Variants in AR observed in about 807,000 individuals in gnomAD.
AR encodes dihydrotestosterone receptor.
Under a neutral mutation model 53.9 loss-of-function variants are expected in AR, and 8 were observed. The observed-to-expected ratio is 0.15, with a 90% CI of 0.09 to 0.27. The LOEUF (loss-of-function observed/expected upper bound fraction) is 0.27, where lower values mean the gene tolerates loss of function less well. AR is among the 10% of genes least tolerant of loss of function. The pLI is 1.00. For missense variants in AR, 639 were observed against 742.5 expected (o/e 0.86, Z 1.62); for synonymous variants, 359 against 316.4 (o/e 1.13, Z -1.43).
intron 6 of AR, 100 bp from the exon 7 acceptor site, chrX:67,722,727 G>C: frequency 2.0e-6 from 2 of 1,016,612 alleles, no homozygotes; most frequent in Non-Finnish European, 2.7e-6. Flanking sequence ...GTTCCCTGTG[G>C]GGGTGGGGGT....
intron 2 of AR, among the ~76,000 whole-genome samples, chrX:67,684,252 G>A (rs1218266759): frequency 4.5e-5 from 5 of 111,841 alleles, no homozygotes; most frequent in Non-Finnish European, 9.4e-5. Context: ...TCGTAGCACC[G>A]TCCTTTCTGT....
chrX:67,688,642 A>G (rs953453095), intron 3 of AR, among the ~76,000 whole-genome samples: 9 of 111,703 alleles, frequency 8.1e-5, no homozygotes, highest in Non-Finnish European at 1.7e-4. Context: ...TTCAGAAGCT[A>G]ATTTTAGTAA....
intron 1 of AR, among the ~76,000 whole-genome samples, chrX:67,595,715 G>A (rs1204019772): frequency 6.4e-5 from 7 of 109,244 alleles, no homozygotes; most frequent in African/African-American, 2.3e-4. Flanking sequence ...TCAGAAGGCC[G>A]AGTTGGGAGG....
intron 1 of AR, among the ~76,000 whole-genome samples, chrX:67,556,734 A>G (rs1921070570): frequency 1.8e-5 from 2 of 111,479 alleles, no homozygotes; most frequent in Non-Finnish European, 3.8e-5. Flanking sequence ...GGCCAGGGAA[A>G]ACCTTACTGG....
intron 1 of AR, among the ~76,000 whole-genome samples, chrX:67,567,769 T>C (rs1053243897): frequency 8.9e-6 from 1 of 112,268 alleles, no homozygotes; most frequent in Non-Finnish European, 1.9e-5. Flanking sequence ...ATTCTAATTA[T>C]ATAGATGAAA....
intron 5 of AR, among the ~76,000 whole-genome samples, chrX:67,720,394 G>T (rs1314542492): frequency 9.2e-6 from 1 of 109,253 alleles, no homozygotes; most frequent in East Asian, 2.9e-4. Context: ...CTGCAGCAAT[G>T]TTAAAGGAAT....
In AR at chrX:67,728,614, T is replaced by TATATATATATATATAC. The variant is rs2076168263; in HGVS notation, c.*4774_*4775insTATATATATATATACA. The stretch of plus-strand genomic sequence containing the variant: ...ATATATATATATATATATATATATA[T>TATATATATATATATAC]AGTGTGTGTGTGTGTTCTGATAGCT... On this transcript the variant is annotated 3_prime_UTR_variant, in exon 8 of 8. Coordinates refer to ENST00000374690, the MANE Select transcript of AR (RefSeq NM_000044.6). The TATATATATATATATAC allele has an allele frequency of 1.0e-5, 1 of 97,843 alleles. No individual in the cohort carries two copies. The highest frequency in any genetic ancestry group is 2.1e-4 in the East Asian group (1 of 4,861). The allele number at this position is 97,843 out of a possible 1,213,427, so 8.1% of individuals were successfully genotyped here. A position where few individuals can be genotyped will look rare whatever the true frequency, so the allele number is the denominator to read the frequency against.
chrX:67,706,483 C>A (rs1306832700), intron 3 of AR, among the ~76,000 whole-genome samples: 2 of 111,446 alleles, frequency 1.8e-5, no homozygotes, highest in African/African-American at 6.5e-5. Flanking sequence ...TCTGTGGGAT[C>A]GGTGGTGATC....
intron 3 of AR, among the ~76,000 whole-genome samples, chrX:67,709,686 G>C (rs370301315): frequency 3.7e-4 from 41 of 112,106 alleles, no homozygotes; most frequent in Non-Finnish European, 7.3e-4. Context: ...AGATGAACCC[G>C]GTACCTCAGT....
chrX:67,562,155 G>T (rs1250032937), intron 1 of AR, among the ~76,000 whole-genome samples: 1 of 108,345 alleles, frequency 9.2e-6, no homozygotes, highest in Non-Finnish European at 1.9e-5. Context: ...TAGAGACGGA[G>T]ATTTCATCAT....
chrX:67,575,338 A>C (rs1157787347), intron 1 of AR, among the ~76,000 whole-genome samples: 1 of 111,808 alleles, frequency 8.9e-6, no homozygotes, highest in Non-Finnish European at 1.9e-5. Context: ...CCTGACAATT[A>C]TAGAGGTCAG....
chrX:67,730,315 C>T lies in AR; in HGVS notation c.*6474C>T, dbSNP rs1364878170. The stretch of plus-strand genomic sequence containing the variant: ...ACTGGGCAGCAGGACCAGCTCCAAG[C>T]GCTAGTGTTCTGTTCTCTTTTTGTA... On this transcript the variant is annotated 3_prime_UTR_variant, in exon 8 of 8. Transcript: ENST00000374690. 1.1e-5 allele frequency: 2 copies of T among 175,245 alleles called. No individual in the cohort carries two copies. Among genetic ancestry groups the T allele is most frequent in the Non-Finnish European group, 2.2e-5 (2 of 91,444 alleles). The allele number at this position is 175,245 out of a possible 1,213,427, so 14.4% of individuals were successfully genotyped here.
At chrX:67,675,016 C>T (rs1187814631) in intron 2 of AR, among the ~76,000 whole-genome samples, 1 of 110,593 alleles carries the variant, frequency 9.0e-6, no homozygotes, top group African/African-American at 3.3e-5. Flanking sequence ...GGAGATGAAT[C>T]CTGCCAGTAC....
chrX:67,690,173 G>T (rs1328512182), intron 3 of AR, among the ~76,000 whole-genome samples: 1 of 112,011 alleles, frequency 8.9e-6, no homozygotes, highest in Non-Finnish European at 1.9e-5. Flanking sequence ...GTGAGAACCT[G>T]AGGTGTGCAG....
chrX:67,724,342 AAAAT>A lies in AR; in HGVS notation c.*523_*526del, dbSNP rs757699770. 104 of 177,073 alleles carry A rather than the reference AAAAT, an allele frequency of 5.9e-4. 2 individuals are homozygous for A. The highest frequency in any genetic ancestry group is 3.4e-3 in the East Asian group (43 of 12,486). 14.6% of individuals were successfully genotyped at this position (177,073 alleles called of 1,213,427 possible). A position where few individuals can be genotyped will look rare whatever the true frequency, so the allele number is the denominator to read the frequency against. ...AAACCTTGCTAGTGTTTTTTCCTCA[AAAAT>A]AAATAAATAAATAAATAAATACGTA... On this transcript the variant is annotated 3_prime_UTR_variant, in exon 8 of 8. Transcript: ENST00000374690.
Position 67,546,115 on chromosome X carries a change from G to C in AR, c.969G>C (p.Glu323Asp), listed in dbSNP as rs2147319409. ...KGGYTKGLEG[E>D]SLGCSGSAAA... ...GTTACACCAAAGGGCTAGAAGGCGA[G>C]AGCCTAGGCTGCTCTGGCAGCGCTG... Residue 323 changes from glutamate (E) to aspartate (D), a missense_variant, in exon 1 of 8, where the codon GAG becomes GAC. By Grantham distance (45) the Glu-to-Asp change is conservative. This residue lies in a region of AR where 423 missense variants were observed against 377.0 expected (regional missense o/e 1.12). Coordinates refer to ENST00000374690, the MANE Select transcript of AR (RefSeq NM_000044.6). 1 of 1,212,316 alleles carries C rather than the reference G, an allele frequency of 8.2e-7. No homozygotes were observed. The highest frequency in any genetic ancestry group is 2.2e-5 in the Admixed American group (1 of 46,160).
At chrX:67,706,521 A>G (rs1043074187) in intron 3 of AR, among the ~76,000 whole-genome samples, 1 of 110,484 alleles carries the variant, frequency 9.1e-6, no homozygotes, top group African/African-American at 3.3e-5. Flanking sequence ...TATTGCATCT[A>G]TTTGATTTTT....
At chrX:67,645,224 T>G (rs905345680) in intron 2 of AR, among the ~76,000 whole-genome samples, 2 of 111,650 alleles carry the variant, frequency 1.8e-5, no homozygotes, top group African/African-American at 6.5e-5. Context: ...TTCCTCTGAG[T>G]TTTACAAATA....
intron 1 of AR, among the ~76,000 whole-genome samples, chrX:67,607,119 T>C (rs916264847): frequency 9.0e-6 from 1 of 111,156 alleles, no homozygotes; most frequent in African/African-American, 3.3e-5. Flanking sequence ...AACCTCCGCC[T>C]CCCAGGTTCA....
Sources: gnomAD v4.1 joint callset for allele counts (sites outside exome capture counted in the v4.1 genomes callset) on GRCh38, gnomAD v4.1.1 for gene constraint, gnomAD v4.1.1 regional missense constraint, MANE v1.5 for transcripts, NCBI Gene and HGNC (gene_info 2026-07-23, HGNC 2026-07-21) for gene names.